Variants in IMMP2L observed in about 807,000 individuals in gnomAD.
The protein encoded by IMMP2L is mitochondrial inner membrane protease subunit 2.
In IMMP2L, 18 loss-of-function variants were observed where a neutral mutation model predicts 19.3. The ratio of observed to expected loss-of-function variants is 0.93; its 90% confidence interval spans 0.64 to 1.38. The LOEUF (loss-of-function observed/expected upper bound fraction) is 1.38. Ranked by LOEUF, IMMP2L falls within the 40% of genes most tolerant of loss-of-function variation. The pLI, the probability that IMMP2L is intolerant of heterozygous loss-of-function variation, is 0.00. For synonymous variants in IMMP2L, 76 were observed against 73.0 expected, an observed-to-expected ratio of 1.04 and a Z score of -0.21; for missense variants, 233 against 218.2, an observed-to-expected ratio of 1.07 and a Z score of -0.43.
At chr7:110,816,167 T>C (rs1584917473) in intron 5 of IMMP2L, among the ~76,000 whole-genome samples, 1 of 152,024 alleles carries the variant, frequency 6.6e-6, no homozygotes, top group African/African-American at 2.4e-5. Context: ...TATGTTGTGT[T>C]TTTGTTCTCA....
intron 3 of IMMP2L, among the ~76,000 whole-genome samples, chr7:111,045,473 T>C (rs1358416168): frequency 1.3e-5 from 2 of 152,232 alleles, no homozygotes. Flanking sequence ...GTCACTCCTC[T>C]GTATACAACT....
intron 3 of IMMP2L, among the ~76,000 whole-genome samples, chr7:110,972,347 C>G (rs1200685473): frequency 6.6e-6 from 1 of 152,030 alleles, no homozygotes; most frequent in Non-Finnish European, 1.5e-5. Context: ...ATTGCAATAA[C>G]TTGTACTATG....
intron 3 of IMMP2L, among the ~76,000 whole-genome samples, chr7:111,076,971 G>A (rs1347985095): frequency 1.3e-5 from 2 of 152,000 alleles, no homozygotes; most frequent in African/African-American, 2.4e-5. Context: ...AGTGAATGAG[G>A]TCTCTCCTCC....
intron 2 of IMMP2L, among the ~76,000 whole-genome samples, chr7:111,489,820 C>T (rs1322503596): frequency 6.6e-6 from 1 of 152,054 alleles, no homozygotes; most frequent in African/African-American, 2.4e-5. Context: ...ACTTAACTAC[C>T]TGACAAAAAA....
chr7:110,914,409 A>G (rs935583668), intron 4 of IMMP2L, among the ~76,000 whole-genome samples: 4 of 152,146 alleles, frequency 2.6e-5, no homozygotes, highest in Admixed American at 6.6e-5. Flanking sequence ...TCTACTATTA[A>G]TCATCAGTCC....
chr7:110,857,991 A>G (rs1359077251), intron 5 of IMMP2L, among the ~76,000 whole-genome samples: 2 of 152,170 alleles, frequency 1.3e-5, no homozygotes, highest in South Asian at 2.1e-4. Context: ...TCCACTTTCT[A>G]CTAGGCTGCC....
chr7:111,324,982 AT>A (rs1825160658), intron 3 of IMMP2L, among the ~76,000 whole-genome samples: 1 of 151,804 alleles, frequency 6.6e-6, no homozygotes, highest in African/African-American at 2.4e-5. Flanking sequence ...TATGCAAATT[AT>A]GGTGCCTGTG....
At chr7:111,503,535 C>G (rs1188335434) in intron 2 of IMMP2L, among the ~76,000 whole-genome samples, 2 of 152,074 alleles carry the variant, frequency 1.3e-5, no homozygotes, top group Non-Finnish European at 2.9e-5. Flanking sequence ...AATTTTAGAC[C>G]AATATCCTTG....
intron 5 of IMMP2L, among the ~76,000 whole-genome samples, chr7:110,689,997 G>A (rs1162080141): frequency 6.6e-6 from 1 of 152,128 alleles, no homozygotes; most frequent in Non-Finnish European, 1.5e-5. Flanking sequence ...GTCCTGAGAC[G>A]AAAAAACTAG....
chr7:111,445,773 T>A (rs1451789794), intron 3 of IMMP2L, among the ~76,000 whole-genome samples: 2 of 152,062 alleles, frequency 1.3e-5, no homozygotes, highest in Non-Finnish European at 2.9e-5. Context: ...GACGGGTGAT[T>A]TCTGCATTTC....
intron 3 of IMMP2L, among the ~76,000 whole-genome samples, chr7:111,454,101 T>C (rs1464835312): frequency 1.3e-5 from 2 of 152,154 alleles, no homozygotes; most frequent in Non-Finnish European, 1.5e-5. Context: ...ATTGAAACCA[T>C]ATAAAAAACT....
At chr7:111,107,727 T>C (rs1409745800) in intron 3 of IMMP2L, among the ~76,000 whole-genome samples, 2 of 152,150 alleles carry the variant, frequency 1.3e-5, no homozygotes, top group Admixed American at 6.6e-5. Flanking sequence ...ATTTCAGATC[T>C]AGTGAGTAAT....
chr7:110,723,251 T>C (rs1795687356), intron 5 of IMMP2L, among the ~76,000 whole-genome samples: 1 of 152,172 alleles, frequency 6.6e-6, no homozygotes, highest in Non-Finnish European at 1.5e-5. Context: ...AAGTTATGCA[T>C]GTGTGTAAAC....
At chr7:111,102,221 A>T (rs1798054765) in intron 3 of IMMP2L, among the ~76,000 whole-genome samples, 1 of 151,608 alleles carries the variant, frequency 6.6e-6, no homozygotes, top group Non-Finnish European at 1.5e-5. Flanking sequence ...CCCAGTGGGT[A>T]TTTCATAGCA....
intron 4 of IMMP2L, among the ~76,000 whole-genome samples, chr7:110,895,582 T>C (rs776522648): frequency 3.3e-5 from 5 of 152,100 alleles, no homozygotes; most frequent in African/African-American, 9.7e-5. Context: ...GGGAGTTTGA[T>C]TGGGATTGCA....
intron 2 of IMMP2L, among the ~76,000 whole-genome samples, chr7:111,494,553 T>G (rs750478094): frequency 1.2e-4 from 18 of 152,204 alleles, no homozygotes; most frequent in Non-Finnish European, 1.3e-4. Context: ...TTTTGAATAG[T>G]CCTTGCCCTA....
chr7:110,832,408 G>A (rs1388526837), intron 5 of IMMP2L, among the ~76,000 whole-genome samples: 1 of 152,128 alleles, frequency 6.6e-6, no homozygotes, highest in Non-Finnish European at 1.5e-5. Flanking sequence ...AGTTCAGGAC[G>A]TCCCAGTATG....
At chr7:110,764,344 G>C (rs1319685479) in intron 5 of IMMP2L, among the ~76,000 whole-genome samples, 1 of 151,810 alleles carries the variant, frequency 6.6e-6, no homozygotes, top group Non-Finnish European at 1.5e-5. Flanking sequence ...TAAACTAAAG[G>C]GGTTTTCTGA....
At chr7:111,506,923 C>T (rs1284242896) in intron 2 of IMMP2L, among the ~76,000 whole-genome samples, 1 of 152,058 alleles carries the variant, frequency 6.6e-6, no homozygotes, top group Non-Finnish European at 1.5e-5. Flanking sequence ...TTTATTGCAA[C>T]CTCTGCCTTC....
Sources: allele counts gnomAD v4.1 joint callset (sites outside exome capture counted in the v4.1 genomes callset), GRCh38; gene constraint gnomAD v4.1.1; transcripts MANE v1.5; gene names NCBI Gene and HGNC (gene_info 2026-07-23, HGNC 2026-07-21).